The following ABCA9 variants were observed in gnomAD, a reference collection of about 807,000 sequenced individuals.
ABCA9 encodes the protein ATP binding cassette subfamily A member 9, also known as ATP-binding cassette sub-family A member 9.
In ABCA9, 183 loss-of-function variants were observed where a neutral mutation model predicts 205.3. The ratio of observed to expected loss-of-function variants is 0.89; its 90% CI spans 0.79 to 1.01. The LOEUF is 1.01. Among genes scored for constraint, ABCA9 ranks in the 50% least tolerant of loss-of-function variants. The probability of loss-of-function intolerance (pLI) is 0.00; values close to 1 mark genes in which losing one functional copy is unlikely to be tolerated. For missense variants in ABCA9, 1,805 were observed against 1,912.4 expected, an observed-to-expected ratio of 0.94 and a Z score of 1.05; for synonymous variants, 651 against 683.3, an observed-to-expected ratio of 0.95 and a Z score of 0.74.
chr17:69,032,322 A>C (rs2071179971), intron 9 of ABCA9, 46 bp from the exon 10 acceptor site: 1 of 1,571,318 alleles, frequency 6.4e-7, no homozygotes, highest in Admixed American at 1.7e-5. Context: ...TCATCGCTTC[A>C]AGGATTCCAT....
At chr17:69,075,738 A>T in the ABCA9 span, among the ~76,000 whole-genome samples, 2 of 151,860 alleles carry the variant, frequency 1.3e-5, no homozygotes, top group African/African-American at 4.8e-5. Context: ...TTTAATATAA[A>T]TTTTAAAATA....
At chr17:69,059,718 T>C (rs1217745029) in intron 1 of ABCA9, among the ~76,000 whole-genome samples, 1 of 150,346 alleles carries the variant, frequency 6.7e-6, no homozygotes, top group East Asian at 1.9e-4. Flanking sequence ...GGGGGCAGGG[T>C]TGGGGGAAGG....
intron 29 of ABCA9, 68 bp from the exon 30 acceptor site, chr17:68,989,998 T>C (rs1351385729): frequency 1.8e-6 from 2 of 1,094,510 alleles, no homozygotes; most frequent in Non-Finnish European, 2.7e-6. Flanking sequence ...TTCCACACTC[T>C]TGTCACCAAA....
chr17:69,003,454 C>A (rs2069970426), intron 25 of ABCA9, among the ~76,000 whole-genome samples: 1 of 136,924 alleles, frequency 7.3e-6, no homozygotes, highest in South Asian at 2.6e-4. Context: ...CCCCCACTCT[C>A]TTCTGGCTTG....
At chr17:68,999,718 G>C (rs1041770091) in intron 25 of ABCA9, among the ~76,000 whole-genome samples, 1 of 152,130 alleles carries the variant, frequency 6.6e-6, no homozygotes, top group African/African-American at 2.4e-5. Flanking sequence ...TTCCACAATG[G>C]TTGAACTCGT....
intron 6 of ABCA9, chr17:69,042,272 G>A (rs1466823341): frequency 1.3e-5 from 2 of 152,134 alleles, no homozygotes; most frequent in Non-Finnish European, 2.9e-5. Flanking sequence ...AAACATTTTA[G>A]ATACATTTCT....
At chr17:69,020,717 TG>T in intron 18 of ABCA9, 131 bp from the exon 19 acceptor site, 1 of 682,970 alleles carries the variant, frequency 1.5e-6, no homozygotes, top group Non-Finnish European at 2.4e-6. Flanking sequence ...ATCTAATGTA[TG>T]ACATTATTAG....
intron 2 of ABCA9, among the ~76,000 whole-genome samples, chr17:69,050,439 T>C (rs553515522): frequency 2.6e-5 from 4 of 152,246 alleles, no homozygotes; most frequent in African/African-American, 9.6e-5. Context: ...GATTTTATTA[T>C]ATTTTTCTGA....
At chr17:69,031,893 T>C (rs1191289077) in intron 10 of ABCA9, among the ~76,000 whole-genome samples, 1 of 152,212 alleles carries the variant, frequency 6.6e-6, no homozygotes, top group Admixed American at 6.5e-5. Context: ...TGGACGGTTG[T>C]TACTATACCA....
At chr17:69,010,983 T>C (rs1275848509) in intron 23 of ABCA9, among the ~76,000 whole-genome samples, 1 of 152,170 alleles carries the variant, frequency 6.6e-6, no homozygotes, top group African/African-American at 2.4e-5. Context: ...TAGGCCACTG[T>C]ACATATAGAA....
In ABCA9 at chr17:69,007,815, A is replaced by G. The variant is rs960021923; in HGVS notation, c.3379T>C (p.Phe1127Leu). 1.9e-6 allele frequency: 3 copies of G among 1,612,232 alleles called. No individual in the cohort carries two copies. Among genetic ancestry groups the G allele is most frequent in the African/African-American group, 1.3e-5 (1 of 74,992 alleles). ...SLVFLTYVIS[F>L]IFRNGRKNSG... ...TTTTTTCTCCCATTGCGAAAAATGA[A>G]TGAAATCACATATGTCAAGAAAACA... The change falls in exon 25 of 39, where the codon TTC (phenylalanine) becomes CTC (leucine). Residue 1127 changes from phenylalanine (F) to leucine (L), a missense_variant. By Grantham distance (22) the Phe-to-Leu change is conservative (BLOSUM62 0). Transcript: ENST00000340001.
intron 31 of ABCA9, among the ~76,000 whole-genome samples, chr17:68,987,035 A>C (rs775328324): frequency 5.9e-5 from 9 of 152,232 alleles, no homozygotes; most frequent in Non-Finnish European, 1.2e-4. Context: ...CAATAATAAG[A>C]ACATCTAATG....
chr17:69,078,418 C>T, the ABCA9 span, among the ~76,000 whole-genome samples: 5 of 152,094 alleles, frequency 3.3e-5, no homozygotes, highest in Non-Finnish European at 7.4e-5. Context: ...AGGCTAGTCT[C>T]GAACTCCTGA....
At chr17:69,049,978 A>G (rs1198589031) in intron 2 of ABCA9, among the ~76,000 whole-genome samples, 3 of 152,112 alleles carry the variant, frequency 2.0e-5, no homozygotes, top group African/African-American at 7.2e-5. Flanking sequence ...CATCGTGACC[A>G]CATTCGGGAA....
At position 69,055,788 on chromosome 17, in the gene ABCA9, T is replaced by A. The variant is rs112805320; in HGVS notation, c.-13-4649A>T. ...GCCATAAAACACACCTTAGAAAATT[T>A]AAAGGAATAGAAATCATACAATGCA... On this transcript the variant is annotated intron_variant, in intron 1 of 38. Coordinates refer to ENST00000340001, the MANE Select transcript of ABCA9 (RefSeq NM_080283.4). Among the ~76,000 whole-genome samples the A allele has an allele frequency of 6.4e-3, 968 of 151,992 alleles. 13 individuals carry two copies. Among genetic ancestry groups the A allele is most frequent in the African/African-American group, 0.022 (932 of 41,464 alleles).
At chr17:68,984,215 G>A in intron 34 of ABCA9, 40 bp from the exon 35 acceptor site, 10 of 1,598,900 alleles carry the variant, frequency 6.3e-6, no homozygotes, top group Non-Finnish European at 6.0e-6. Context: ...TCATGGGAAT[G>A]CTCAAGGTAT....
Position 69,045,086 on chromosome 17 carries a change from G to A in ABCA9, c.469+86C>T, listed in dbSNP as rs566667295. On this transcript the variant is annotated intron_variant, in intron 4 of 38. Coordinates refer to ENST00000340001, the MANE Select transcript of ABCA9 (RefSeq NM_080283.4). Reference sequence around the variant, plus strand: ...CTATGTTGTGGTTGTATATGTTTGTGTAGTTTCACCTCTGCTATCAGGTAT... The same window carrying A: ...CTATGTTGTGGTTGTATATGTTTGTATAGTTTCACCTCTGCTATCAGGTAT... 766 of 1,077,988 alleles carry A rather than the reference G, an allele frequency of 7.1e-4. 1 individual carries two copies. The highest frequency in any genetic ancestry group is 9.2e-4 in the Non-Finnish European group (694 of 752,010). The allele number at this position is 1,077,988 out of a possible 1,614,324, so 66.8% of individuals were successfully genotyped here.
intron 32 of ABCA9, 111 bp from the exon 33 acceptor site, chr17:68,985,239 A>G: frequency 2.8e-6 from 4 of 1,418,630 alleles, no homozygotes; most frequent in Non-Finnish European, 3.9e-6. Context: ...GAGTGGTCAG[A>G]GTGGTCATAA....
intron 18 of ABCA9, chr17:69,020,827 A>G: frequency 4.7e-6 from 2 of 422,648 alleles, no homozygotes; most frequent in South Asian, 7.1e-5. Context: ...CTGCAGCTTT[A>G]TAGGACTTTA....
Sources: gnomAD v4.1 joint callset for allele counts (sites outside exome capture counted in the v4.1 genomes callset) on GRCh38, gnomAD v4.1.1 for gene constraint, MANE v1.5 for transcripts, NCBI Gene and HGNC (gene_info 2026-07-23, HGNC 2026-07-21) for gene names.